ROR2: variants seen among roughly 807,000 people sequenced by gnomAD.
The protein encoded by ROR2 is tyrosine-protein kinase transmembrane receptor ROR2.
A neutral mutation model predicts 74.9 loss-of-function variants in ROR2; 33 were observed. The ratio of observed to expected loss-of-function variants is 0.44; its 90% CI spans 0.33 to 0.59. ROR2 has a LOEUF of 0.59. Among genes scored for constraint, ROR2 ranks in the 20% least tolerant of loss-of-function variants. ROR2 has a pLI of 0.02. For missense variants in ROR2, 1,216 were observed against 1,313.8 expected, an observed-to-expected ratio of 0.93 and a Z score of 1.15; for synonymous variants, 586 against 558.7, an observed-to-expected ratio of 1.05 and a Z score of -0.69.
chr9:91,861,993 G>C (rs558559146), intron 1 of ROR2, among the ~76,000 whole-genome samples: 1 of 152,250 alleles, frequency 6.6e-6, no homozygotes, highest in East Asian at 1.9e-4. Flanking sequence ...GAGGCCCTAA[G>C]GGTGGGGCCC....
At chr9:91,855,387 C>T (rs770704229) in intron 1 of ROR2, among the ~76,000 whole-genome samples, 6 of 152,222 alleles carry the variant, frequency 3.9e-5, no homozygotes, top group Admixed American at 6.5e-5. Flanking sequence ...GATCAGGGCA[C>T]GGCGTTCGGC....
At chr9:91,750,368 T>C (rs1825561706) in intron 4 of ROR2, among the ~76,000 whole-genome samples, 1 of 152,254 alleles carries the variant, frequency 6.6e-6, no homozygotes, top group African/African-American at 2.4e-5. Flanking sequence ...TTAAAACATT[T>C]GCTTCAACCA....
intron 1 of ROR2, among the ~76,000 whole-genome samples, chr9:91,926,490 G>A (rs1322657722): frequency 7.0e-6 from 1 of 141,962 alleles, no homozygotes; most frequent in African/African-American, 2.6e-5. Context: ...AGGTAGCAGT[G>A]AGCCAAGATC....
intron 1 of ROR2, among the ~76,000 whole-genome samples, chr9:91,859,254 T>C (rs1587792529): frequency 7.2e-6 from 1 of 138,812 alleles, no homozygotes; most frequent in Non-Finnish European, 1.5e-5. Context: ...CAGGCTGGAG[T>C]GCAGTGGTGC....
chr9:91,862,387 G>T (rs114032916), intron 1 of ROR2, among the ~76,000 whole-genome samples: 2,245 of 152,090 alleles, frequency 0.015, 61 homozygotes, highest in African/African-American at 0.051. Context: ...GCCAGGAGTG[G>T]TGGCTCATAC....
chr9:91,814,323 C>T (rs1210050512), intron 1 of ROR2, among the ~76,000 whole-genome samples: 1 of 152,234 alleles, frequency 6.6e-6, no homozygotes, highest in South Asian at 2.1e-4. Context: ...GGCTCTGTCA[C>T]TTCCCCAGAG....
intron 2 of ROR2, among the ~76,000 whole-genome samples, chr9:91,760,104 G>T (rs1024097861): frequency 6.6e-6 from 1 of 152,188 alleles, no homozygotes; most frequent in Admixed American, 6.5e-5. Context: ...ACAGCAAGCT[G>T]GTTCCTTGTT....
At chr9:91,861,655 A>G (rs748871426) in intron 1 of ROR2, among the ~76,000 whole-genome samples, 3 of 152,244 alleles carry the variant, frequency 2.0e-5, no homozygotes, top group Non-Finnish European at 4.4e-5. Flanking sequence ...AAACTGTTAA[A>G]AGAATACAGT....
chr9:91,916,389 T>C (rs1166551133), intron 1 of ROR2, among the ~76,000 whole-genome samples: 1 of 152,324 alleles, frequency 6.6e-6, no homozygotes, highest in South Asian at 2.1e-4. Flanking sequence ...ATTTTGCCTA[T>C]GCAATGCCCC....
At chr9:91,779,094 A>G (rs576059383) in intron 1 of ROR2, among the ~76,000 whole-genome samples, 1 of 152,320 alleles carries the variant, frequency 6.6e-6, no homozygotes, top group East Asian at 1.9e-4. Context: ...ACTAAGGGAA[A>G]ATGAATAGTG....
At chr9:91,875,784 C>T (rs977548157) in intron 1 of ROR2, among the ~76,000 whole-genome samples, 12 of 152,222 alleles carry the variant, frequency 7.9e-5, no homozygotes, top group African/African-American at 1.7e-4. Context: ...AGCTAGCACA[C>T]GGACGATCTT....
At chr9:91,852,760 AAGAAG>A (rs933330612) in intron 1 of ROR2, among the ~76,000 whole-genome samples, 41 of 152,340 alleles carry the variant, frequency 2.7e-4, no homozygotes, top group African/African-American at 9.1e-4. Flanking sequence ...CCTAACAGGA[AAGAAG>A]AGGACAAGGA....
At chr9:91,941,177 T>A (rs1831853127) in intron 1 of ROR2, among the ~76,000 whole-genome samples, 1 of 151,646 alleles carries the variant, frequency 6.6e-6, no homozygotes. Context: ...TTTTGTATTT[T>A]TAGTAGAGAC....
chr9:91,836,592 T>C (rs965619322), intron 1 of ROR2, among the ~76,000 whole-genome samples: 15 of 150,412 alleles, frequency 1.0e-4, no homozygotes, highest in Admixed American at 9.2e-4. Context: ...GCAGCAATGC[T>C]AAGAAAGCCC....
intron 2 of ROR2, among the ~76,000 whole-genome samples, chr9:91,770,917 G>C (rs778440633): frequency 1.3e-5 from 2 of 152,170 alleles, no homozygotes; most frequent in Non-Finnish European, 2.9e-5. Flanking sequence ...TGACCTACAT[G>C]AACTGGGAAA....
chr9:91,946,228 G>A (rs913498548), intron 1 of ROR2, among the ~76,000 whole-genome samples: 4 of 152,218 alleles, frequency 2.6e-5, no homozygotes, highest in African/African-American at 9.6e-5. Context: ...AAGCCCCCTG[G>A]TTTCTTTACT....
chr9:91,920,146 T>C (rs925898431), intron 1 of ROR2, among the ~76,000 whole-genome samples: 24 of 152,212 alleles, frequency 1.6e-4, no homozygotes, highest in Admixed American at 1.3e-4. Context: ...ATGAATTCCA[T>C]GTTCATTAAA....
At chr9:91,785,571 C>CCAT (rs1342946867) in intron 1 of ROR2, among the ~76,000 whole-genome samples, 1 of 152,232 alleles carries the variant, frequency 6.6e-6, no homozygotes, top group Non-Finnish European at 1.5e-5. Context: ...TTGGTGACCA[C>CCAT]CATCATGTTC....
chr9:91,915,678 T>C (rs1431157255), intron 1 of ROR2, among the ~76,000 whole-genome samples: 1 of 152,170 alleles, frequency 6.6e-6, no homozygotes, highest in African/African-American at 2.4e-5. Context: ...CCAGCTTTTA[T>C]TCCCTTATTT....
Sources: gnomAD v4.1 joint callset for allele counts (sites outside exome capture counted in the v4.1 genomes callset) on GRCh38, gnomAD v4.1.1 for gene constraint, MANE v1.5 for transcripts, NCBI Gene and HGNC (gene_info 2026-07-23, HGNC 2026-07-21) for gene names.